The following ANKS1B variants were observed in gnomAD, a reference collection of about 807,000 sequenced individuals.
ANKS1B encodes the protein ankyrin repeat and sterile alpha motif domain containing 1B, also known as ankyrin repeat and sterile alpha motif domain-containing protein 1B.
In ANKS1B, 36 loss-of-function variants were observed where a neutral mutation model predicts 148.3. The ratio of observed to expected loss-of-function variants is 0.24; its 90% CI spans 0.19 to 0.32. The LOEUF is 0.32. ANKS1B is among the 10% of genes least tolerant of loss of function. The probability of loss-of-function intolerance (pLI) is 1.00; values close to 1 mark genes in which losing one functional copy is unlikely to be tolerated. For synonymous variants in ANKS1B, 542 were observed against 560.8 expected (o/e 0.97, Z 0.47); for missense variants, 1,157 against 1,542.6 (o/e 0.75, Z 4.19).
intron 8 of ANKS1B, among the ~76,000 whole-genome samples, chr12:99,716,719 T>C (rs1432964877): frequency 6.6e-6 from 1 of 152,092 alleles, no homozygotes; most frequent in Non-Finnish European, 1.5e-5. Context: ...CTAGTCTCTG[T>C]TCCCAATGCA....
At chr12:99,665,483 G>A (rs373480806) in intron 8 of ANKS1B, among the ~76,000 whole-genome samples, 11 of 151,154 alleles carry the variant, frequency 7.3e-5, no homozygotes, top group African/African-American at 2.4e-4. Flanking sequence ...TAGGTTGTTC[G>A]ACTTCTTTTT....
At chr12:99,781,748 T>C (rs982217717) in intron 5 of ANKS1B, among the ~76,000 whole-genome samples, 1 of 152,202 alleles carries the variant, frequency 6.6e-6, no homozygotes, top group Non-Finnish European at 1.5e-5. Context: ...CTTTTTCTTT[T>C]GGTAGTTCAT....
chr12:98,904,596 G>A (rs922845351), intron 17 of ANKS1B, among the ~76,000 whole-genome samples: 2 of 152,194 alleles, frequency 1.3e-5, no homozygotes, highest in African/African-American at 4.8e-5. Context: ...CCTTAAGACT[G>A]GTTTCTCCCT....
chr12:99,631,771 T>G (rs544470106), intron 9 of ANKS1B, among the ~76,000 whole-genome samples: 2 of 152,156 alleles, frequency 1.3e-5, no homozygotes, highest in South Asian at 2.1e-4. Context: ...ACACTGAGAA[T>G]TGAAAGCAAA....
At chr12:99,929,785 T>C in intron 1 of ANKS1B, among the ~76,000 whole-genome samples, 1 of 152,128 alleles carries the variant, frequency 6.6e-6, no homozygotes, top group Non-Finnish European at 1.5e-5. Flanking sequence ...TTTTCTCAGG[T>C]TTGTCAAAGA....
chr12:98,799,082 A>C (rs2098978004), intron 21 of ANKS1B, 77 bp from the exon 22 acceptor site: 2 of 1,030,326 alleles, frequency 1.9e-6, no homozygotes, highest in Non-Finnish European at 2.7e-6. Context: ...AAATTGTGGA[A>C]GTATTACTGG....
chr12:98,950,165 A>G (rs2099851919), intron 17 of ANKS1B, among the ~76,000 whole-genome samples: 1 of 152,250 alleles, frequency 6.6e-6, no homozygotes, highest in Non-Finnish European at 1.5e-5. Flanking sequence ...GTTCAACCAC[A>G]TAATGACGCA....
At chr12:99,562,843 GT>G (rs1258113619) in intron 9 of ANKS1B, among the ~76,000 whole-genome samples, 1 of 152,132 alleles carries the variant, frequency 6.6e-6, no homozygotes, top group Non-Finnish European at 1.5e-5. Flanking sequence ...TGAGATTTGG[GT>G]GGGGACACAG....
At chr12:99,232,532 G>A (rs2087052932) in intron 14 of ANKS1B, among the ~76,000 whole-genome samples, 1 of 152,164 alleles carries the variant, frequency 6.6e-6, no homozygotes, top group African/African-American at 2.4e-5. Context: ...CACGTCCCGT[G>A]GAGCCAATTA....
chr12:99,733,484 T>C (rs2059354276), intron 8 of ANKS1B, among the ~76,000 whole-genome samples: 1 of 152,202 alleles, frequency 6.6e-6, no homozygotes, highest in African/African-American at 2.4e-5. Context: ...CATGCAAAGC[T>C]AACATTTGAG....
chr12:98,972,195 C>A (rs61932224), intron 17 of ANKS1B, among the ~76,000 whole-genome samples: 27,567 of 152,026 alleles, frequency 0.18, 2,687 homozygotes, highest in African/African-American at 0.23. Context: ...ATTTCACAGT[C>A]GTTATGAACA....
intron 12 of ANKS1B, among the ~76,000 whole-genome samples, chr12:99,319,211 C>T (rs1273829244): frequency 1.3e-5 from 2 of 152,122 alleles, no homozygotes; most frequent in Non-Finnish European, 2.9e-5. Context: ...GAGCTGAGTT[C>T]AATTCCTGGA....
chr12:99,207,257 A>C (rs548990097), intron 14 of ANKS1B, among the ~76,000 whole-genome samples: 2 of 152,308 alleles, frequency 1.3e-5, no homozygotes, highest in South Asian at 4.1e-4. Flanking sequence ...TCGAGCATGA[A>C]TGTTAAGAAT....
At chr12:99,076,743 T>C (rs1049393332) in intron 16 of ANKS1B, among the ~76,000 whole-genome samples, 1 of 152,206 alleles carries the variant, frequency 6.6e-6, no homozygotes, top group Non-Finnish European at 1.5e-5. Flanking sequence ...CTCAGAAGTA[T>C]GGAAAAGTTC....
intron 8 of ANKS1B, among the ~76,000 whole-genome samples, chr12:99,755,683 A>C (rs11613361): frequency 0.24 from 35,849 of 151,706 alleles, 4,472 homozygotes; most frequent in African/African-American, 0.27. Flanking sequence ...TATCCCTGAG[A>C]TCCAAGGCTG....
At chr12:99,659,857 G>C (rs967400713) in intron 8 of ANKS1B, among the ~76,000 whole-genome samples, 3 of 152,096 alleles carry the variant, frequency 2.0e-5, no homozygotes, top group African/African-American at 7.2e-5. Flanking sequence ...TATAATCCAA[G>C]CCCTCTAAAT....
At chr12:98,785,673 T>C (rs542025352) in intron 22 of ANKS1B, among the ~76,000 whole-genome samples, 1 of 152,266 alleles carries the variant, frequency 6.6e-6, no homozygotes, top group Non-Finnish European at 1.5e-5. Context: ...TTCGGTGTTA[T>C]GATCATCATT....
chr12:98,804,517 G>C (rs2099034612), intron 20 of ANKS1B, among the ~76,000 whole-genome samples: 1 of 151,746 alleles, frequency 6.6e-6, no homozygotes, highest in African/African-American at 2.4e-5. Context: ...GGAATGGATG[G>C]ACTCCAACAA....
At chr12:99,618,191 G>C (rs1161769725) in intron 9 of ANKS1B, among the ~76,000 whole-genome samples, 1 of 152,110 alleles carries the variant, frequency 6.6e-6, no homozygotes, top group East Asian at 1.9e-4. Context: ...TTACTACACA[G>C]TCTAGTCTGT....
Sources: allele counts gnomAD v4.1 joint callset (sites outside exome capture counted in the v4.1 genomes callset), GRCh38; gene constraint gnomAD v4.1.1; transcripts MANE v1.5; gene names NCBI Gene and HGNC (gene_info 2026-07-23, HGNC 2026-07-21).